The following RCC1L variants were observed in gnomAD, a reference collection of about 807,000 sequenced individuals.
RCC1L encodes the protein RCC1-like G exchanging factor-like protein.
Under a neutral mutation model 58.6 loss-of-function variants are expected in RCC1L, and 46 were observed. The observed-to-expected ratio is 0.79, with a 90% CI of 0.62 to 1.00. The LOEUF (loss-of-function observed/expected upper bound fraction) is 1.00, where lower values mean the gene tolerates loss of function less well. Ranked by LOEUF, RCC1L falls within the 50% of genes least tolerant of loss-of-function variation. RCC1L has a pLI of 0.00. For synonymous variants in RCC1L, 281 were observed against 262.9 expected, an observed-to-expected ratio of 1.07 and a Z score of -0.67; for missense variants, 636 against 623.6, an observed-to-expected ratio of 1.02 and a Z score of -0.21.
At chr7:75,040,288 C>T (rs1053485801), downstream of RCC1L, among the ~76,000 whole-genome samples, 103 of 152,188 alleles carry the variant, frequency 6.8e-4, no homozygotes, top group African/African-American at 2.4e-3. Context: ...AACAAAATTC[C>T]GTCTCTACTA....
downstream of RCC1L, among the ~76,000 whole-genome samples, chr7:75,040,823 G>A (rs1175780144): frequency 2.0e-5 from 3 of 152,148 alleles, no homozygotes; most frequent in Non-Finnish European, 4.4e-5. Context: ...GGGGTTCGCA[G>A]CCCAGGTGAA....
Position 75,073,753 on chromosome 7 carries a change from T to G in RCC1L, c.-16A>C, listed in dbSNP as rs1190074743. On this transcript the variant is annotated 5_prime_UTR_variant, in exon 1 of 11. An upstream open reading frame in the 5' UTR loses its in-frame stop. Transcript: ENST00000610322. ...CCAGCGCCATCCTCCGTTCCGCGCCTCAGCAGCCTCTGGGCGCCGCCATCT... is the reference window on the plus strand; with the variant it reads ...CCAGCGCCATCCTCCGTTCCGCGCCGCAGCAGCCTCTGGGCGCCGCCATCT... The G allele has an allele frequency of 6.7e-7, 1 of 1,497,128 alleles. No individual in the cohort carries two copies. The highest frequency in any genetic ancestry group is 1.4e-5 in the African/African-American group (1 of 70,368). The allele number at this position is 1,497,128 out of a possible 1,614,324, so 92.7% of individuals were successfully genotyped here.
chr7:75,056,086 T>G lies in RCC1L; in HGVS notation c.1058-12A>C. The G allele has an allele frequency of 1.9e-6, 3 of 1,613,800 alleles. No homozygotes were observed. Among genetic ancestry groups the G allele is most frequent in the Non-Finnish European group, 2.5e-6 (3 of 1,179,822 alleles). ...AACATGTCCTTCTCCTACATTACAG[T>G]AAAAACAAGGGTCAGTAAGTCCATC... On this transcript the variant is annotated splice_polypyrimidine_tract_variant and intron_variant, in intron 8 of 10. Coordinates refer to ENST00000610322, the MANE Select transcript of RCC1L (RefSeq NM_030798.5).
chr7:75,073,369 C>A, intron 1 of RCC1L, 45 bp downstream of exon 1: 1 of 890,896 alleles, frequency 1.1e-6, no homozygotes, highest in Non-Finnish European at 1.6e-6. Flanking sequence ...AGGCCGGGAG[C>A]GCGGAAGAGA....
intron 6 of RCC1L, 79 bp downstream of exon 6, chr7:75,061,128 A>G (rs1246825751): frequency 8.6e-7 from 1 of 1,169,546 alleles, no homozygotes; most frequent in Non-Finnish European, 1.3e-6. Flanking sequence ...GTTCTAGCCC[A>G]TAAATGCCCT....
At chr7:75,039,033 GT>G (rs1805488946), downstream of RCC1L, among the ~76,000 whole-genome samples, 1 of 152,332 alleles carries the variant, frequency 6.6e-6, no homozygotes, top group African/African-American at 2.4e-5. Context: ...TGGAGATGGG[GT>G]TTTGCCATGT....
Position 75,057,566 on chromosome 7 carries a change from CT to C in RCC1L, c.1019del (p.Gln340ArgfsTer12), listed in dbSNP as rs1273213905. The C allele has an allele frequency of 1.9e-5, 30 of 1,613,832 alleles. No homozygotes were observed. The highest frequency in any genetic ancestry group is 2.5e-5 in the Non-Finnish European group (30 of 1,179,862). ...CACAGCCCGTGCCACCGCATGCAGC[CT>C]GTCGCACCTTCCCCACTCCTGAGAA... Reference protein sequence around the residue: ...LHFSGVGKVRQAACGGTGCAV... With the variant: ...LHFSGVGKVRXAACGGTGCAV... On this transcript the variant is annotated frameshift_variant, in exon 8 of 11. Coordinates refer to ENST00000610322, the MANE Select transcript of RCC1L (RefSeq NM_030798.5). LOFTEE classifies it high-confidence loss of function.
At chr7:75,039,204 A>C (rs1214773063), downstream of RCC1L, among the ~76,000 whole-genome samples, 1 of 152,216 alleles carries the variant, frequency 6.6e-6, no homozygotes, top group East Asian at 1.9e-4. Flanking sequence ...TTTAGATGCT[A>C]GTACCGGGTG....
At position 75,073,629 on chromosome 7, in the gene RCC1L, C is replaced by A. The variant is rs781910319; in HGVS notation, c.109G>T (p.Glu37Ter). Residue 37 changes from glutamate to a stop codon, truncating the protein, a stop_gained, in exon 1 of 11, where the codon GAA (glutamate) becomes TAA (stop). Transcript: ENST00000610322. LOFTEE classifies it high-confidence loss of function. The stretch of plus-strand genomic sequence containing the variant: ...ACCTCCGCCTCGGCTTCTGCCGCTT[C>A]GCGCCGGCTCCGGGAGCGCCCGGCC... ...TAAGRSRSRR[E>*]AAEAEAEVPV... 2.7e-6 allele frequency: 4 copies of A among 1,496,722 alleles called. No homozygotes were observed. The highest frequency in any genetic ancestry group is 3.5e-6 in the Non-Finnish European group (4 of 1,132,726). The allele number at this position is 1,496,722 out of a possible 1,614,324, so 92.7% of individuals were successfully genotyped here.
intron 10 of RCC1L, among the ~76,000 whole-genome samples, chr7:75,049,179 C>G (rs1481696548): frequency 1.3e-5 from 2 of 152,106 alleles, no homozygotes; most frequent in African/African-American, 4.8e-5. Context: ...ATATCCCCTA[C>G]GGAAGATTAA....
downstream of RCC1L, among the ~76,000 whole-genome samples, chr7:75,040,798 A>C (rs918437220): frequency 2.9e-4 from 44 of 152,304 alleles, no homozygotes; most frequent in Admixed American, 2.4e-3. Flanking sequence ...ATTTGACTGT[A>C]ATAAACCTAA....
intron 9 of RCC1L, among the ~76,000 whole-genome samples, chr7:75,054,468 CT>C (rs1444292936): frequency 1.3e-5 from 2 of 152,188 alleles, no homozygotes; most frequent in Non-Finnish European, 2.9e-5. Flanking sequence ...ATAGAAAAGC[CT>C]CTGCTCTAGT....
intron 10 of RCC1L, among the ~76,000 whole-genome samples, chr7:75,032,110 A>G (rs1285332263): frequency 6.6e-6 from 1 of 152,184 alleles, no homozygotes; most frequent in Non-Finnish European, 1.5e-5. Flanking sequence ...ATGGGAGGGA[A>G]CTACATAAGT....
downstream of RCC1L, among the ~76,000 whole-genome samples, chr7:75,038,750 C>T (rs1337982466): frequency 1.3e-5 from 2 of 152,126 alleles, no homozygotes; most frequent in Non-Finnish European, 2.9e-5. Context: ...TGGCACCCAC[C>T]AGGGGGCCCT....
chr7:75,072,161 CAT>C (rs1165938365), intron 1 of RCC1L, among the ~76,000 whole-genome samples: 8,019 of 46,418 alleles, frequency 0.17, 1,373 homozygotes, highest in African/African-American at 0.37. Context: ...TATACATATA[CAT>C]ATATATATAT....
intron 2 of RCC1L, among the ~76,000 whole-genome samples, chr7:75,068,442 C>G (rs1001897870): frequency 6.6e-5 from 10 of 151,538 alleles, no homozygotes; most frequent in Admixed American, 6.6e-4. Flanking sequence ...TCCCAGCACT[C>G]TGGGAGGCCA....
intron 4 of RCC1L, 72 bp from the exon 5 acceptor site, chr7:75,063,415 T>C: frequency 2.0e-6 from 3 of 1,499,352 alleles, no homozygotes; most frequent in Non-Finnish European, 2.8e-6. Flanking sequence ...CCTTTCCCTG[T>C]CACCCCAACT....
Position 75,063,788 on chromosome 7 carries a change from C to T in RCC1L, c.651-445G>A, listed in dbSNP as rs1411593948. On this transcript the variant is annotated intron_variant, in intron 4 of 10. Transcript: ENST00000610322. ...ACAAAAAATTAGCCAAGTGCGGTGG[C>T]GGACGCCTGTAATCCCAGCTATTCG... Among the ~76,000 whole-genome samples, 4 of 151,924 alleles carry T rather than the reference C, an allele frequency of 2.6e-5. No individual in the cohort carries two copies. The South Asian group carries it at 6.2e-4, about 24-fold the overall frequency.
Position 75,042,200 on chromosome 7 carries a change from G to A in RCC1L, c.*832C>T, listed in dbSNP as rs1386606557. The A allele has an allele frequency of 2.0e-6, 2 of 985,436 alleles. No homozygotes were observed. Among genetic ancestry groups the A allele is most frequent in the African/African-American group, 1.7e-5 (1 of 57,364 alleles). The allele number at this position is 985,436 out of a possible 1,614,324, so 61.0% of individuals were successfully genotyped here. The stretch of plus-strand genomic sequence containing the variant: ...TTCAGAGCTTAAAAACCAAAAGGCA[G>A]AAAATAGACTTTATTCCAAGACAGA... On this transcript the variant is annotated 3_prime_UTR_variant, in exon 11 of 11. Coordinates refer to ENST00000610322, the MANE Select transcript of RCC1L (RefSeq NM_030798.5).
Sources: allele counts gnomAD v4.1 joint callset (sites outside exome capture counted in the v4.1 genomes callset), GRCh38; gene constraint gnomAD v4.1.1; transcripts MANE v1.5; gene names NCBI Gene and HGNC (gene_info 2026-07-23, HGNC 2026-07-21).